TNRC6B: variants seen among roughly 807,000 people sequenced by gnomAD.
TNRC6B encodes trinucleotide repeat-containing gene 6B protein.
In TNRC6B, 52 loss-of-function variants were observed where a neutral mutation model predicts 203.6. The ratio of observed to expected loss-of-function variants is 0.26; its 90% confidence interval spans 0.20 to 0.32. The LOEUF (loss-of-function observed/expected upper bound fraction) is 0.32, where lower values mean the gene tolerates loss of function less well. Ranked by LOEUF, TNRC6B falls within the 10% of genes least tolerant of loss-of-function variation. TNRC6B has a pLI of 1.00. For missense variants in TNRC6B, 1,923 were observed against 2,286.2 expected, an observed-to-expected ratio of 0.84 and a Z score of 3.24; for synonymous variants, 838 against 845.7, an observed-to-expected ratio of 0.99 and a Z score of 0.16.
At position 40,323,158 on chromosome 22, in the gene TNRC6B, A is replaced by G. The variant is rs368409600; in HGVS notation, c.5419A>G (p.Thr1807Ala). 71 of 1,613,818 alleles carry G rather than the reference A, an allele frequency of 4.4e-5. No individual in the cohort carries two copies. In the African/African-American group the frequency reaches 6.0e-4, roughly 14 times the overall value. ...NYSSSLWGVP[T>A]VEDPHRMGSP... ...TTCTTCTAGCTTATGGGGAGTCCCA[A>G]CGGTGGAAGATCCCCATAGGATGGG... Residue 1807 changes from threonine to alanine, a missense_variant, in exon 23 of 23, where the codon ACG (threonine) becomes GCG (alanine). By Grantham distance (58) the Thr-to-Ala change is moderately conservative (BLOSUM62 0). Transcript: ENST00000454349.
rs112491939 is a variant in TNRC6B, at chr22:40,322,349, T to A, written c.5115-505T>A. On this transcript the variant is annotated intron_variant, in intron 22 of 22. Coordinates refer to ENST00000454349, the MANE Select transcript of TNRC6B (RefSeq NM_001162501.2). Reference sequence around the variant, plus strand: ...AGAGTGGTGCATTTGTCAAGATTGCTGAACCCCTCCTTATCACCAAAAGTC... The same window carrying A: ...AGAGTGGTGCATTTGTCAAGATTGCAGAACCCCTCCTTATCACCAAAAGTC... Among the ~76,000 whole-genome samples the A allele has an allele frequency of 2.3e-3, 358 of 152,342 alleles. 3 individuals carry two copies. Among genetic ancestry groups the A allele is most frequent in the African/African-American group, 8.4e-3 (349 of 41,572 alleles).
intron 17 of TNRC6B, 48 bp from the exon 18 acceptor site, chr22:40,312,455 ATT>A: frequency 1.4e-6 from 2 of 1,449,204 alleles, no homozygotes; most frequent in South Asian, 1.3e-5. Context: ...GTACTATATC[ATT>A]TTTTTTTAAC....
At chr22:40,210,244 C>T (rs1016486935) in intron 1 of TNRC6B, among the ~76,000 whole-genome samples, 1 of 152,076 alleles carries the variant, frequency 6.6e-6, no homozygotes, top group Non-Finnish European at 1.5e-5. Context: ...TACAAGTTCA[C>T]TACACAGATC....
intron 1 of TNRC6B, among the ~76,000 whole-genome samples, chr22:40,228,917 T>C (rs1272327054): frequency 2.6e-5 from 4 of 152,120 alleles, no homozygotes; most frequent in African/African-American, 9.7e-5. Context: ...TTGTAATGTA[T>C]AGGAAAGTAC....
chr22:40,244,502 C>T (rs559521516), intron 1 of TNRC6B, among the ~76,000 whole-genome samples: 62 of 149,562 alleles, frequency 4.1e-4, no homozygotes, highest in Non-Finnish European at 7.3e-4. Context: ...ATTATGTATT[C>T]ACGAGAGCCC....
intron 12 of TNRC6B, among the ~76,000 whole-genome samples, chr22:40,287,883 A>G (rs1261016281): frequency 6.6e-6 from 1 of 152,254 alleles, no homozygotes; most frequent in Non-Finnish European, 1.5e-5. Flanking sequence ...AATGTTTAAC[A>G]GAGTTTGGGT....
At position 40,324,546 on chromosome 22, in the gene TNRC6B, G is replaced by A. The variant is rs1243685302; in HGVS notation, c.*1305G>A. On this transcript the variant is annotated 3_prime_UTR_variant, in exon 23 of 23. Coordinates refer to ENST00000454349, the MANE Select transcript of TNRC6B (RefSeq NM_001162501.2). ...ATTTTATGAAAACAGAAAAGAATAAGTGGTGAGCAGCCTCCTGAAAGCATC... is the reference window on the plus strand; with the variant it reads ...ATTTTATGAAAACAGAAAAGAATAAATGGTGAGCAGCCTCCTGAAAGCATC... 1.3e-5 allele frequency: 2 copies of A among 152,642 alleles called. No individual in the cohort carries two copies. Among genetic ancestry groups the A allele is most frequent in the South Asian group, 2.1e-4 (1 of 4,836 alleles). 9.5% of individuals were successfully genotyped at this position (152,642 alleles called of 1,614,324 possible).
intron 1 of TNRC6B, among the ~76,000 whole-genome samples, chr22:40,215,474 T>C (rs1416157286): frequency 6.6e-6 from 1 of 152,216 alleles, no homozygotes; most frequent in Non-Finnish European, 1.5e-5. Flanking sequence ...ACTTGCTGCT[T>C]CCTGTTCCCA....
At chr22:40,173,793 ATTTTTTTTTTTT>A (rs1160322782), upstream of TNRC6B, among the ~76,000 whole-genome samples, 1 of 64,862 alleles carries the variant, frequency 1.5e-5, no homozygotes, top group African/African-American at 6.7e-5. Flanking sequence ...ATATATATAT[ATTTTTTTTTTTT>A]TTTTTTTTTT....
intron 1 of TNRC6B, among the ~76,000 whole-genome samples, chr22:40,073,719 G>C (rs982911000): frequency 1.1e-4 from 16 of 151,784 alleles, no homozygotes; most frequent in African/African-American, 3.9e-4. Context: ...TTCGAGACCA[G>C]TCTGGGTAAC....
Position 40,266,186 on chromosome 22 carries a change from G to C in TNRC6B, c.1956G>C (p.Gly652=), listed in dbSNP as rs1159288187. The part of the protein sequence containing the change: ...PEGKSDKGTE[G]WESAATQTKN... ...GGAAATCTGACAAAGGAACTGAGGGGTGGGAGAGCGCTGCCACACAGACCA... is the reference window on the plus strand; with the variant it reads ...GGAAATCTGACAAAGGAACTGAGGGCTGGGAGAGCGCTGCCACACAGACCA... The change falls in exon 5 of 23, where the codon GGG becomes GGC. Residue 652 remains glycine (G), a synonymous_variant. Transcript: ENST00000454349. 6.2e-7 allele frequency: 1 copy of C among 1,613,116 alleles called. No individual in the cohort carries two copies. Among genetic ancestry groups the C allele is most frequent in the Admixed American group, 1.7e-5 (1 of 59,808 alleles).
Position 40,199,879 on chromosome 22 carries a change from C to G in TNRC6B, c.5+21739C>G, listed in dbSNP as rs547754532. On this transcript the variant is annotated intron_variant, in intron 1 of 22. Coordinates refer to ENST00000454349, the MANE Select transcript of TNRC6B (RefSeq NM_001162501.2). ...TGGCACGATCTCAGCTCACTGCAAC[C>G]TCCGCCTTCTGGGTTCAAACGATTC... Among the ~76,000 whole-genome samples the G allele has an allele frequency of 6.8e-4, 104 of 152,142 alleles. 1 individual carries two copies. Among genetic ancestry groups the G allele is most frequent in the African/African-American group, 2.3e-3 (97 of 41,526 alleles).
chr22:40,112,662 G>A (rs1338356430), intron 1 of TNRC6B, among the ~76,000 whole-genome samples: 1 of 152,142 alleles, frequency 6.6e-6, no homozygotes, highest in Non-Finnish European at 1.5e-5. Flanking sequence ...TTTAGACAAT[G>A]GTTCTGACTT....
chr22:40,166,514 C>T (rs1378208349), intron 4 of TNRC6B, among the ~76,000 whole-genome samples: 2 of 151,356 alleles, frequency 1.3e-5, no homozygotes, highest in Non-Finnish European at 2.9e-5. Context: ...TAATTCAGTG[C>T]TTCCTATAGC....
chr22:40,184,925 G>A (rs2146385557), intron 1 of TNRC6B, among the ~76,000 whole-genome samples: 1 of 152,326 alleles, frequency 6.6e-6, no homozygotes, highest in Middle Eastern at 3.4e-3. Context: ...CCAGGTGAAA[G>A]GCTGGAGTAA....
chr22:40,294,303 C>T (rs1485764991), intron 12 of TNRC6B, among the ~76,000 whole-genome samples: 1 of 152,124 alleles, frequency 6.6e-6, no homozygotes, highest in Non-Finnish European at 1.5e-5. Flanking sequence ...AACCTGAGCT[C>T]AGTTCTGGAG....
intron 2 of TNRC6B, 105 bp downstream of exon 2, chr22:40,246,207 T>A: frequency 1.1e-6 from 1 of 883,706 alleles, no homozygotes; most frequent in East Asian, 3.0e-5. Context: ...TTTTTTTTCC[T>A]GAGATGGAGT....
chr22:40,110,455 A>G (rs1258103910), intron 1 of TNRC6B, among the ~76,000 whole-genome samples: 1 of 152,210 alleles, frequency 6.6e-6, no homozygotes, highest in Non-Finnish European at 1.5e-5. Context: ...CCCTCGGTGA[A>G]TTCCCTACCA....
At chr22:40,309,353 C>A (rs2071139393) in intron 16 of TNRC6B, among the ~76,000 whole-genome samples, 1 of 152,214 alleles carries the variant, frequency 6.6e-6, no homozygotes, top group Non-Finnish European at 1.5e-5. Context: ...TCCGGCTGTT[C>A]CTGCTGCAGC....
Sources: allele counts gnomAD v4.1 joint callset (sites outside exome capture counted in the v4.1 genomes callset), GRCh38; gene constraint gnomAD v4.1.1; transcripts MANE v1.5; gene names NCBI Gene and HGNC (gene_info 2026-07-23, HGNC 2026-07-21).